Variants in WDR5 observed in about 807,000 individuals in gnomAD.
The protein encoded by WDR5 is WD repeat domain 5.
For synonymous variants in WDR5, 144 were observed against 161.6 expected, an observed-to-expected ratio of 0.89 and a Z score of 0.83; for missense variants, 187 against 416.9, an observed-to-expected ratio of 0.45 and a Z score of 4.80.
chr9:134,139,010 C>CT (rs1347445054), intron 1 of WDR5, among the ~76,000 whole-genome samples: 40 of 152,172 alleles, frequency 2.6e-4, no homozygotes, highest in African/African-American at 8.9e-4. Context: ...AAACTAGCTG[C>CT]TTACTGTACA....
intron 8 of WDR5, among the ~76,000 whole-genome samples, chr9:134,150,350 T>C (rs1832427708): frequency 6.6e-6 from 1 of 152,232 alleles, no homozygotes; most frequent in Admixed American, 6.5e-5. Flanking sequence ...CTCTGTCTGT[T>C]ATTAATTAGT....
Position 134,136,704 on chromosome 9 carries a change from C to T in WDR5, c.-59+504C>T, listed in dbSNP as rs578057128. Among the ~76,000 whole-genome samples the T allele has an allele frequency of 5.3e-5, 8 of 152,292 alleles. No individual in the cohort carries two copies. The South Asian group carries it at 1.7e-3, about 32-fold the overall frequency. ...GGGTCCTGGGGTGCGGGTCCTCGGT[C>T]CTGAACGGTAGGCCCACCGTGCCTC... On this transcript the variant is annotated intron_variant, in intron 1 of 13. Transcript: ENST00000358625.
At chr9:134,142,519 C>T (rs1831946090) in intron 6 of WDR5, 97 bp downstream of exon 6, 1 of 1,550,898 alleles carries the variant, frequency 6.4e-7, no homozygotes. Flanking sequence ...GGCAGGTGGG[C>T]CCTGAGTCCT....
intron 7 of WDR5, among the ~76,000 whole-genome samples, chr9:134,146,051 A>G (rs1373295067): frequency 2.0e-5 from 3 of 146,838 alleles, no homozygotes; most frequent in Non-Finnish European, 4.5e-5. Flanking sequence ...TGCAAGCTCC[A>G]CCTCCCGGGT....
intron 3 of WDR5, among the ~76,000 whole-genome samples, chr9:134,141,013 G>A (rs1418948253): frequency 1.3e-5 from 2 of 152,238 alleles, no homozygotes; most frequent in Non-Finnish European, 2.9e-5. Context: ...GCCAGGCGTG[G>A]TGGCTCATGC....
intron 8 of WDR5, among the ~76,000 whole-genome samples, chr9:134,151,716 C>A (rs28549934): frequency 0.66 from 100,523 of 151,924 alleles, 33,386 homozygotes; most frequent in Admixed American, 0.69. Context: ...TGTTGGGGGT[C>A]AACTGTGGCT....
At chr9:134,150,829 C>T (rs28758854) in intron 8 of WDR5, among the ~76,000 whole-genome samples, 7,629 of 151,944 alleles carry the variant, frequency 0.05, 436 homozygotes, top group African/African-American at 0.14. Flanking sequence ...TGTGATCTCG[C>T]GTTTAGTGCC....
chr9:134,145,098 T>TTTTTTTTTTTTG (rs1564191334), intron 7 of WDR5, among the ~76,000 whole-genome samples: 1 of 111,136 alleles, frequency 9.0e-6, no homozygotes, highest in African/African-American at 4.7e-5. Context: ...GGGGCTTTGT[T>TTTTTTTTTTTTG]TTTTTTTTTT....
chr9:134,146,871 G>A (rs1832234183), intron 7 of WDR5, among the ~76,000 whole-genome samples: 1 of 152,234 alleles, frequency 6.6e-6, no homozygotes, highest in African/African-American at 2.4e-5. Context: ...CCGGCCAGAT[G>A]GTTGCAGTGA....
rs553918925 is a variant in WDR5 at position 134,153,223 on chromosome 9, G to C, written c.631+1194G>C. Among the ~76,000 whole-genome samples, 8 of 152,310 alleles carry C rather than the reference G, an allele frequency of 5.3e-5. No individual in the cohort carries two copies. In the South Asian group the frequency reaches 1.7e-3, roughly 32 times the overall value. The stretch of plus-strand genomic sequence containing the variant: ...ACCCTCACGGCCACCTCTGAGGAGG[G>C]GGGTTGTCCTCATCCTGCATAGAGG... On this transcript the variant is annotated intron_variant, in intron 9 of 13. Transcript: ENST00000358625.
At chr9:134,153,707 G>A (rs975478623) in intron 9 of WDR5, among the ~76,000 whole-genome samples, 5 of 152,066 alleles carry the variant, frequency 3.3e-5, no homozygotes, top group Admixed American at 1.3e-4. Flanking sequence ...TGTCCTTCCC[G>A]GTGCTCGGGA....
At chr9:134,146,907 T>A in intron 7 of WDR5, among the ~76,000 whole-genome samples, 1 of 152,210 alleles carries the variant, frequency 6.6e-6, no homozygotes, top group South Asian at 2.1e-4. Flanking sequence ...GAGAGCACCC[T>A]GTTGGAGCAG....
At position 134,152,177 on chromosome 9, in the gene WDR5, G is replaced by A. The variant is rs958204517; in HGVS notation, c.631+148G>A. Reference sequence around the variant, plus strand: ...ACCTTCCTCCGTGTCCGACCGTTCCGCCAGCTCCCCCTGACCGCCCGCTGG... The same window carrying A: ...ACCTTCCTCCGTGTCCGACCGTTCCACCAGCTCCCCCTGACCGCCCGCTGG... On this transcript the variant is annotated intron_variant, in intron 9 of 13. Coordinates refer to ENST00000358625, the MANE Select transcript of WDR5 (RefSeq NM_017588.3). The A allele has an allele frequency of 7.3e-6, 7 of 952,962 alleles. No individual in the cohort carries two copies. In the East Asian group the frequency reaches 7.7e-5, roughly 10 times the overall value. The allele number at this position is 952,962 out of a possible 1,614,324, so 59.0% of individuals were successfully genotyped here. A position where few individuals can be genotyped will look rare whatever the true frequency, so the allele number is the denominator to read the frequency against.
chr9:134,146,503 T>C (rs1165168266), intron 7 of WDR5, among the ~76,000 whole-genome samples: 1 of 152,254 alleles, frequency 6.6e-6, no homozygotes, highest in African/African-American at 2.4e-5. Flanking sequence ...CCTAAAATGC[T>C]GGGATTACAG....
At chr9:134,150,531 C>G (rs1045964167) in intron 8 of WDR5, among the ~76,000 whole-genome samples, 1 of 152,170 alleles carries the variant, frequency 6.6e-6, no homozygotes, top group African/African-American at 2.4e-5. Flanking sequence ...TCCCATGTTA[C>G]TCAGCATTGT....
intron 7 of WDR5, among the ~76,000 whole-genome samples, chr9:134,145,951 T>C (rs28501302): frequency 8.3e-6 from 1 of 119,762 alleles, no homozygotes; most frequent in African/African-American, 4.1e-5. Flanking sequence ...TTTTTTTTTT[T>C]GTTTTTTAAT....
intron 9 of WDR5, among the ~76,000 whole-genome samples, chr9:134,152,558 A>G (rs1355492494): frequency 6.6e-6 from 1 of 152,174 alleles, no homozygotes; most frequent in African/African-American, 2.4e-5. Context: ...CGGGGTTCCC[A>G]GCTGCCCCTT....
chr9:134,142,044 T>A lies in WDR5; in HGVS notation c.354+6T>A. On this transcript the variant is annotated splice_donor_region_variant and intron_variant, in intron 5 of 13. Transcript: ENST00000358625. The stretch of plus-strand genomic sequence containing the variant: ...AGATATGGGACGTGAGCTCGGTAAG[T>A]GACACTCAGTGCTTCTCTCCAGGGG... 1 of 1,613,482 alleles carries A rather than the reference T, an allele frequency of 6.2e-7. No individual in the cohort carries two copies. Among genetic ancestry groups the A allele is most frequent in the East Asian group, 2.2e-5 (1 of 44,876 alleles).
intron 8 of WDR5, among the ~76,000 whole-genome samples, chr9:134,149,164 G>A (rs192273223): frequency 1.8e-3 from 281 of 152,266 alleles, no homozygotes; most frequent in African/African-American, 5.8e-3. Context: ...GATCCCCAGG[G>A]GGTCACAGTC....
Sources: allele counts gnomAD v4.1 joint callset (sites outside exome capture counted in the v4.1 genomes callset), GRCh38; gene constraint gnomAD v4.1.1; transcripts MANE v1.5; gene names NCBI Gene and HGNC (gene_info 2026-07-23, HGNC 2026-07-21).